CSMD3: variants seen among roughly 807,000 people sequenced by gnomAD.
CSMD3 encodes the protein CUB and Sushi multiple domains 3, also known as CUB and sushi domain-containing protein 3.
In CSMD3, 177 loss-of-function variants were observed where a neutral mutation model predicts 435.2. The observed-to-expected ratio is 0.41, with a 90% CI of 0.36 to 0.46. The LOEUF is 0.46. Among genes scored for constraint, CSMD3 ranks in the 20% least tolerant of loss-of-function variants. The pLI is 0.34. For synonymous variants in CSMD3, 1,656 were observed against 1,520.5 expected, an observed-to-expected ratio of 1.09 and a Z score of -2.07; for missense variants, 4,265 against 4,504.6, an observed-to-expected ratio of 0.95 and a Z score of 1.52.
intron 10 of CSMD3, among the ~76,000 whole-genome samples, chr8:112,864,060 T>C (rs2080903857): frequency 6.6e-6 from 1 of 152,110 alleles, no homozygotes; most frequent in Non-Finnish European, 1.5e-5. Flanking sequence ...AAGAGTTACA[T>C]AATTTGAATA....
intron 4 of CSMD3, among the ~76,000 whole-genome samples, chr8:113,105,308 A>T (rs1010474946): frequency 6.6e-6 from 1 of 152,126 alleles, no homozygotes; most frequent in Non-Finnish European, 1.5e-5. Context: ...TTCTCTAAGG[A>T]GATACATTCC....
intron 1 of CSMD3, among the ~76,000 whole-genome samples, chr8:113,429,900 AG>A (rs1159977942): frequency 6.6e-6 from 1 of 152,200 alleles, no homozygotes; most frequent in Admixed American, 6.5e-5. Flanking sequence ...CTGATATTTA[AG>A]GACCTATGAA....
chr8:113,102,409 T>C (rs16884331), intron 4 of CSMD3, among the ~76,000 whole-genome samples: 14,648 of 152,200 alleles, frequency 0.096, 1,067 homozygotes, highest in African/African-American at 0.2. Context: ...GAGGAAACCA[T>C]GTAATCTCTC....
In CSMD3 at chr8:112,554,641, T is replaced by C. The variant is rs183345216; in HGVS notation, c.4235-1921A>G. On this transcript the variant is annotated intron_variant, in intron 25 of 70. Transcript: ENST00000297405. Reference sequence around the variant, plus strand: ...CCCCATATTTCTTTGTTATAAAATATTACCTGGCATTTTTGACCTCAAATG... The same window carrying C: ...CCCCATATTTCTTTGTTATAAAATACTACCTGGCATTTTTGACCTCAAATG... 1.9e-3 allele frequency among the ~76,000 whole-genome samples: 291 copies of C among 152,076 alleles called. 2 individuals are homozygous for C. Among genetic ancestry groups the C allele is most frequent in the African/African-American group, 6.5e-3 (271 of 41,546 alleles).
intron 4 of CSMD3, among the ~76,000 whole-genome samples, chr8:113,163,111 T>A (rs1327141901): frequency 6.6e-6 from 1 of 152,140 alleles, no homozygotes; most frequent in Admixed American, 6.6e-5. Context: ...AATAAAACTA[T>A]GTTATCTCTC....
intron 3 of CSMD3, among the ~76,000 whole-genome samples, chr8:113,223,946 CTGAATG>C (rs2092998536): frequency 6.6e-6 from 1 of 151,022 alleles, no homozygotes; most frequent in Non-Finnish European, 1.5e-5. Context: ...AATTAAAATC[CTGAATG>C]TGGGCTGAAA....
intron 6 of CSMD3, among the ~76,000 whole-genome samples, chr8:112,988,168 G>A (rs974440687): frequency 1.1e-4 from 17 of 151,914 alleles, no homozygotes; most frequent in African/African-American, 2.9e-4. Flanking sequence ...GGATTCTTGC[G>A]CAAATCAAGG....
chr8:112,405,800 A>G (rs1212924529), intron 35 of CSMD3, among the ~76,000 whole-genome samples: 2 of 152,124 alleles, frequency 1.3e-5, no homozygotes, highest in African/African-American at 4.8e-5. Context: ...CAGAAAAGTC[A>G]GCTTTTGGAT....
intron 4 of CSMD3, among the ~76,000 whole-genome samples, chr8:113,166,131 T>C (rs1275826280): frequency 1.3e-5 from 2 of 152,132 alleles, no homozygotes; most frequent in Admixed American, 1.3e-4. Flanking sequence ...ACTCAATAGA[T>C]TGAGTTTCAT....
At chr8:113,285,621 A>G (rs923181989) in intron 2 of CSMD3, among the ~76,000 whole-genome samples, 3 of 152,186 alleles carry the variant, frequency 2.0e-5, no homozygotes, top group African/African-American at 7.2e-5. Flanking sequence ...CGACTGGGAA[A>G]ACTAAGTAAG....
rs114704119 is a variant in CSMD3, at chr8:112,955,474, T to C, written c.1343-713A>G. Reference sequence around the variant, plus strand: ...ATGTGTAATGATCAAATCTGAGTAATTGGCACATTCATCACTGCAAATATC... The same window carrying C: ...ATGTGTAATGATCAAATCTGAGTAACTGGCACATTCATCACTGCAAATATC... On this transcript the variant is annotated intron_variant, in intron 7 of 70. Coordinates refer to ENST00000297405, the MANE Select transcript of CSMD3 (RefSeq NM_198123.2). Among the ~76,000 whole-genome samples, 1,005 of 151,922 alleles carry C rather than the reference T, an allele frequency of 6.6e-3. 11 individuals are homozygous for C. Among genetic ancestry groups the C allele is most frequent in the African/African-American group, 0.023 (962 of 41,524 alleles).
At chr8:113,009,582 G>A (rs557163658) in intron 6 of CSMD3, among the ~76,000 whole-genome samples, 1 of 151,834 alleles carries the variant, frequency 6.6e-6, no homozygotes, top group Non-Finnish European at 1.5e-5. Context: ...AAATCTGACA[G>A]AGTATATGAC....
chr8:112,840,943 T>TGTA (rs2080161331), intron 11 of CSMD3, among the ~76,000 whole-genome samples: 1 of 151,672 alleles, frequency 6.6e-6, no homozygotes, highest in Non-Finnish European at 1.5e-5. Context: ...CTAACTTTTC[T>TGTA]TCCTTCACTG....
At chr8:112,900,296 A>T (rs895803580) in intron 10 of CSMD3, among the ~76,000 whole-genome samples, 3 of 151,310 alleles carry the variant, frequency 2.0e-5, no homozygotes, top group African/African-American at 7.3e-5. Flanking sequence ...TTTTTCAAGA[A>T]TGTTTGTATA....
At chr8:112,282,740 G>C (rs945268940) in intron 58 of CSMD3, among the ~76,000 whole-genome samples, 6 of 151,998 alleles carry the variant, frequency 3.9e-5, no homozygotes, top group Non-Finnish European at 8.8e-5. Context: ...AATGAAACAA[G>C]GTAAGTGCGT....
chr8:113,253,568 G>A (rs184412327), intron 3 of CSMD3, among the ~76,000 whole-genome samples: 17 of 151,934 alleles, frequency 1.1e-4, no homozygotes, highest in African/African-American at 2.7e-4. Flanking sequence ...TTGGCTGGGC[G>A]TGGTGGCTCA....
At chr8:112,492,215 C>A (rs1820771096) in intron 31 of CSMD3, among the ~76,000 whole-genome samples, 1 of 152,132 alleles carries the variant, frequency 6.6e-6, no homozygotes, top group African/African-American at 2.4e-5. Flanking sequence ...TGAAGGCACA[C>A]AAATTAGCAT....
chr8:112,448,616 T>C (rs561587951), intron 32 of CSMD3, among the ~76,000 whole-genome samples: 1 of 152,152 alleles, frequency 6.6e-6, no homozygotes, highest in Non-Finnish European at 1.5e-5. Context: ...GTCCAGATGA[T>C]ACATTGATTT....
At position 113,436,758 on chromosome 8, in the gene CSMD3, T is replaced by A. The variant is rs2130154342; in HGVS notation, c.97A>T (p.Ile33Phe). The part of the protein sequence containing the change: ...RCAKCGRLDF[I>F]LMKKMGIKSG... ...TTAATCCCCATTTTCTTCATCAGGA[T>A]GAAGTCTAGGCGGCCACATTTAGCG... The change falls in exon 1 of 71, where the codon ATC (isoleucine) becomes TTC (phenylalanine). Residue 33 changes from isoleucine (I) to phenylalanine (F), a missense_variant. Around this residue, in one of 3 missense-constraint regions of CSMD3, gnomAD observed 731 missense variants for 755.4 expected, o/e 0.97. Transcript: ENST00000297405. The A allele has an allele frequency of 6.2e-7, 1 of 1,614,140 alleles. No individual in the cohort carries two copies. The highest frequency in any genetic ancestry group is 2.2e-5 in the East Asian group (1 of 44,880).
Sources: allele counts gnomAD v4.1 joint callset (sites outside exome capture counted in the v4.1 genomes callset), GRCh38; gene constraint gnomAD v4.1.1; regional missense constraint gnomAD v4.1.1; transcripts MANE v1.5; gene names NCBI Gene and HGNC (gene_info 2026-07-23, HGNC 2026-07-21).